The following EIF2S3B variants were observed in gnomAD, a reference collection of about 807,000 sequenced individuals.
EIF2S3B encodes the protein eukaryotic translation initiation factor 2 subunit gamma B, also known as eukaryotic translation initiation factor 2 subunit 3B.
EIF2S3B carries 16 observed loss-of-function variants against 26.4 expected under a neutral mutation model. The ratio of observed to expected loss-of-function variants is 0.61; its 90% CI spans 0.41 to 0.92. The LOEUF (loss-of-function observed/expected upper bound fraction) is 0.92. Among genes scored for constraint, EIF2S3B ranks in the 40% least tolerant of loss-of-function variants. The probability of loss-of-function intolerance (pLI) is 0.00; values close to 1 mark genes in which losing one functional copy is unlikely to be tolerated. For synonymous variants in EIF2S3B, 183 were observed against 204.4 expected, an observed-to-expected ratio of 0.90 and a Z score of 0.89; for missense variants, 510 against 575.5, an observed-to-expected ratio of 0.89 and a Z score of 1.16.
intron 1 of EIF2S3B, among the ~76,000 whole-genome samples, chr12:10,519,408 A>T (rs938335317): frequency 2.0e-5 from 3 of 151,900 alleles, no homozygotes; most frequent in African/African-American, 7.3e-5. Flanking sequence ...TAAAAACCCT[A>T]GAAGAAAACC....
chr12:10,512,529 T>C (rs1280260197), downstream of EIF2S3B, among the ~76,000 whole-genome samples: 1 of 152,178 alleles, frequency 6.6e-6, no homozygotes, highest in Non-Finnish European at 1.5e-5. Context: ...ACTGTCCTTT[T>C]CAGAAAATGC....
downstream of EIF2S3B, among the ~76,000 whole-genome samples, chr12:10,511,776 T>C (rs944788108): frequency 6.6e-6 from 1 of 152,194 alleles, no homozygotes; most frequent in South Asian, 2.1e-4. Flanking sequence ...GGAAAGAGCT[T>C]ATACAGCTAC....
At chr12:10,519,404 C>T (rs1172216005) in intron 1 of EIF2S3B, among the ~76,000 whole-genome samples, 1 of 151,734 alleles carries the variant, frequency 6.6e-6, no homozygotes, top group Non-Finnish European at 1.5e-5. Flanking sequence ...ACCATAAAAA[C>T]CCTAGAAGAA....
chr12:10,506,470 A>C lies in EIF2S3B; in HGVS notation c.568A>C (p.Asn190His). 6.2e-7 allele frequency: 1 copy of C among 1,611,516 alleles called. No individual in the cohort carries two copies. The highest frequency in any genetic ancestry group is 8.5e-7 in the Non-Finnish European group (1 of 1,177,548). Residue 190 changes from asparagine (N) to histidine (H), a missense_variant, in exon 1 of 1, where the codon AAT becomes CAT. By Grantham distance (68) the Asn-to-His change is moderately conservative. Transcript: ENST00000538173. ...MKLKHILILQ[N>H]KIDLVKERQA... Reference sequence around the variant, plus strand: ...ACTGAAGCATATTTTGATTCTACAAAATAAAATTGATTTGGTAAAAGAAAG... The same window carrying C: ...ACTGAAGCATATTTTGATTCTACAACATAAAATTGATTTGGTAAAAGAAAG...
chr12:10,522,662 T>C, exon 2 of EIF2S3B: 1 of 698,748 alleles, frequency 1.4e-6, no homozygotes, highest in East Asian at 2.7e-5. Context: ...TTCTTACCAA[T>C]GAGACACAGA....
In EIF2S3B at chr12:10,508,362, T is replaced by C. The variant is rs1016985142; in HGVS notation, c.*1041T>C. Among the ~76,000 whole-genome samples the C allele has an allele frequency of 1.2e-4, 18 of 152,024 alleles. No homozygotes were observed. Among genetic ancestry groups the C allele is most frequent in the African/African-American group, 3.4e-4 (14 of 41,378 alleles). On this transcript the variant is annotated 3_prime_UTR_variant, in exon 1 of 1. Transcript: ENST00000538173. ...CCTGAAATCCAATAGTCTTCCTCCA[T>C]TGGAAAATACTGTTATACCAAATAA...
chr12:10,514,522 G>T (rs992719582), intron 1 of EIF2S3B, among the ~76,000 whole-genome samples: 14 of 152,052 alleles, frequency 9.2e-5, no homozygotes, highest in Admixed American at 2.6e-4. Flanking sequence ...GCTACTAAAA[G>T]CTCACTCTGG....
At chr12:10,520,774 C>T (rs2137957705) in intron 1 of EIF2S3B, among the ~76,000 whole-genome samples, 1 of 152,238 alleles carries the variant, frequency 6.6e-6, no homozygotes, top group Non-Finnish European at 1.5e-5. Context: ...TCCTTTCGAA[C>T]AGCATAATTC....
At chr12:10,510,887 A>G (rs953409531), downstream of EIF2S3B, among the ~76,000 whole-genome samples, 1 of 152,184 alleles carries the variant, frequency 6.6e-6, no homozygotes, top group Non-Finnish European at 1.5e-5. Context: ...TAAGAGTTCT[A>G]TATTGGGCAA....
rs1469337372 is a variant in EIF2S3B, at chr12:10,519,838, A to G, written c.1309-2765A>G. On this transcript the variant is annotated intron_variant, in intron 1 of 1. Coordinates refer to the EIF2S3B transcript ENST00000322446. Reference sequence around the variant, plus strand: ...CCATTTCACACCAGTTAGAATGGCAATCATTAAAAAGTCAGGAAACAACAG... The same window carrying G: ...CCATTTCACACCAGTTAGAATGGCAGTCATTAAAAAGTCAGGAAACAACAG... Among the ~76,000 whole-genome samples the G allele has an allele frequency of 6.6e-5, 10 of 151,524 alleles. No homozygotes were observed. In the South Asian group the frequency reaches 2.1e-3, roughly 32 times the overall value.
downstream of EIF2S3B, among the ~76,000 whole-genome samples, chr12:10,508,925 TA>T (rs1420261458): frequency 6.6e-6 from 1 of 152,130 alleles, no homozygotes; most frequent in South Asian, 2.1e-4. Flanking sequence ...AACCGTCAGA[TA>T]AAATCTGACC....
At chr12:10,517,746 T>G (rs1163853553) in intron 1 of EIF2S3B, among the ~76,000 whole-genome samples, 1 of 152,206 alleles carries the variant, frequency 6.6e-6, no homozygotes, top group Admixed American at 6.5e-5. Context: ...TTGTGGGCAT[T>G]TAGTGCTATA....
chr12:10,518,019 C>T (rs576930525), intron 1 of EIF2S3B, among the ~76,000 whole-genome samples: 7 of 151,518 alleles, frequency 4.6e-5, no homozygotes, highest in South Asian at 4.2e-4. Context: ...CTGAGGAGAG[C>T]TTTACTTCCA....
At chr12:10,517,795 A>C (rs1322055227) in intron 1 of EIF2S3B, among the ~76,000 whole-genome samples, 1 of 152,102 alleles carries the variant, frequency 6.6e-6, no homozygotes, top group East Asian at 1.9e-4. Flanking sequence ...TGTTCCAGAG[A>C]TTCTGGTATG....
chr12:10,514,147 G>A (rs1003534240), intron 1 of EIF2S3B, among the ~76,000 whole-genome samples: 1 of 151,586 alleles, frequency 6.6e-6, no homozygotes, highest in African/African-American at 2.4e-5. Context: ...TTTCCTAATT[G>A]GCCAATAGGT....
At chr12:10,510,056 T>C (rs932171700), downstream of EIF2S3B, among the ~76,000 whole-genome samples, 12 of 152,210 alleles carry the variant, frequency 7.9e-5, no homozygotes, top group Non-Finnish European at 1.6e-4. Flanking sequence ...TCTTTTCGAC[T>C]ACTCATATCA....
chr12:10,522,542 T>A, intron 1 of EIF2S3B: 1 of 620,854 alleles, frequency 1.6e-6, no homozygotes, highest in South Asian at 1.9e-5. Context: ...CCTAAATAGA[T>A]TTGAGTTATT....
rs1178497149 is a variant in EIF2S3B at position 10,508,490 on chromosome 12, T to C, written c.*1169T>C. Reference sequence around the variant, plus strand: ...TTATAATATTACTAATTTTTGGATGTTTCAAAAGGTCAATAAGTAAAAGAT... The same window carrying C: ...TTATAATATTACTAATTTTTGGATGCTTCAAAAGGTCAATAAGTAAAAGAT... On this transcript the variant is annotated 3_prime_UTR_variant, in exon 1 of 1. Coordinates refer to ENST00000538173, the MANE Select transcript of EIF2S3B (RefSeq NM_001357734.3). Among the ~76,000 whole-genome samples, 3 of 143,356 alleles carry C rather than the reference T, an allele frequency of 2.1e-5. No individual in the cohort carries two copies. The East Asian group carries it at 5.9e-4, about 28-fold the overall frequency. 94.0% of individuals were successfully genotyped at this position (143,356 alleles called of 152,430 possible).
chr12:10,522,780 C>A, exon 2 of EIF2S3B: 1 of 593,538 alleles, frequency 1.7e-6, no homozygotes, highest in Non-Finnish European at 3.0e-6. Context: ...GGCTGTGATG[C>A]CCGGAATTGT....
Sources: allele counts gnomAD v4.1 joint callset (sites outside exome capture counted in the v4.1 genomes callset), GRCh38; gene constraint gnomAD v4.1.1; transcripts MANE v1.5; gene names NCBI Gene and HGNC (gene_info 2026-07-23, HGNC 2026-07-21).